Variants in STAT2 observed in about 807,000 individuals in gnomAD.
STAT2 encodes the protein interferon alpha induced transcriptional activator.
A neutral mutation model predicts 122.3 loss-of-function variants in STAT2; 51 were observed. That is an observed-to-expected ratio of 0.42 (90% CI 0.33 to 0.53). STAT2 has a LOEUF of 0.53. STAT2 is among the 20% of genes least tolerant of loss of function. The probability of loss-of-function intolerance (pLI) is 0.10; values close to 1 mark genes in which losing one functional copy is unlikely to be tolerated. For synonymous variants in STAT2, 351 were observed against 394.9 expected, an observed-to-expected ratio of 0.89 and a Z score of 1.32; for missense variants, 736 against 1,010.3, an observed-to-expected ratio of 0.73 and a Z score of 3.68.
At position 56,350,745 on chromosome 12, in the gene STAT2, C is replaced by A. The variant is rs1017401777; in HGVS notation, c.1094+84G>T. ...AGGATTGGAAGGAGGAAGGAGATAG[C>A]CCTAGGGCCCTGTTGTGAAGAGTGA... On this transcript the variant is annotated intron_variant, in intron 11 of 23. Coordinates refer to ENST00000314128, the MANE Select transcript of STAT2 (RefSeq NM_005419.4). 11 of 1,426,432 alleles carry A rather than the reference C, an allele frequency of 7.7e-6. No homozygotes were observed. In the African/African-American group the frequency reaches 1.4e-4, roughly 18 times the overall value. 88.4% of individuals were successfully genotyped at this position (1,426,432 alleles called of 1,614,324 possible).
chr12:56,358,932 C>A (rs1333344004), intron 1 of STAT2, among the ~76,000 whole-genome samples: 1 of 152,158 alleles, frequency 6.6e-6, no homozygotes, highest in African/African-American at 2.4e-5. Context: ...TGTCACCAAG[C>A]AGGCTGTCCC....
chr12:56,359,488 G>T (rs146779253), intron 1 of STAT2, among the ~76,000 whole-genome samples: 2 of 142,936 alleles, frequency 1.4e-5, no homozygotes, highest in African/African-American at 4.9e-5. Context: ...AGTCAGCAAA[G>T]ATTCAAATAT....
Position 56,351,167 on chromosome 12 carries a change from G to A in STAT2, c.965C>T (p.Pro322Leu), listed in dbSNP as rs775863585. The A allele has an allele frequency of 6.2e-7, 1 of 1,614,036 alleles. No individual in the cohort carries two copies. Among genetic ancestry groups the A allele is most frequent in the South Asian group, 1.1e-5 (1 of 91,064 alleles). The change falls in exon 10 of 24, where the codon CCC (proline) becomes CTC (leucine). Residue 322 changes from proline to leucine, a missense_variant. Transcript: ENST00000314128. ...LHRAFVVETQ[P>L]CMPQTPHRPL... is the part of the protein sequence containing the mutation. ...TCGATGGGGAGTTTGGGGCATGCAG[G>A]GCTGGGTTTCTACCACAAAGGCTCT...
rs1245063187 is a variant in STAT2, at chr12:56,355,716, C to G, written c.373G>C (p.Ala125Pro). 7.4e-6 allele frequency: 12 copies of G among 1,613,924 alleles called. No individual in the cohort carries two copies. The highest frequency in any genetic ancestry group is 1.1e-5 in the South Asian group (1 of 91,074). ...CACTGAATTGTCCTCACCAATTGGG[C>G]CCTCTGAGCCTGGATCAAAATTCTT... ...EKRILIQAQR[A>P]QLEQGEPVLE... is the part of the protein sequence containing the mutation. Residue 125 changes from alanine to proline, a missense_variant, in exon 4 of 24, where the codon GCC becomes CCC. By Grantham distance (27) the Ala-to-Pro change is conservative. Transcript: ENST00000314128.
chr12:56,344,388 G>A (rs1017409175), intron 22 of STAT2, among the ~76,000 whole-genome samples: 1 of 152,182 alleles, frequency 6.6e-6, no homozygotes, highest in African/African-American at 2.4e-5. Context: ...CAGTAGGGTG[G>A]TTAAAATCAG....
At position 56,346,865 on chromosome 12, in the gene STAT2, C is replaced by T. The variant is rs369254719; in HGVS notation, c.1815G>A (p.Ser605=). 38 of 1,614,164 alleles carry T rather than the reference C, an allele frequency of 2.4e-5. 1 individual carries two copies. Among genetic ancestry groups the T allele is most frequent in the East Asian group, 1.6e-4 (7 of 44,876 alleles). ...AGGAGCAGGTAATGCCCCCTTCTGA[C>T]GATTCACTGAAGCGCAGTAGAAAGG... ...SGTFLLRFSE[S]SEGGITCSWV... is the part of the protein sequence containing the mutation. The change falls in exon 20 of 24, where the codon TCG becomes TCA. Residue 605 remains serine (S), a synonymous_variant. Coordinates refer to ENST00000314128, the MANE Select transcript of STAT2 (RefSeq NM_005419.4).
In STAT2 at chr12:56,348,414, C is replaced by T. The variant is rs145273196; in HGVS notation, c.1724+115G>A. 4.0e-4 allele frequency: 407 copies of T among 1,023,248 alleles called. 1 individual carries two copies. In the African/African-American group the frequency reaches 5.0e-3, roughly 12 times the overall value. 63.4% of individuals were successfully genotyped at this position (1,023,248 alleles called of 1,614,324 possible). A position where few individuals can be genotyped will look rare whatever the true frequency, so the allele number is the denominator to read the frequency against. On this transcript the variant is annotated intron_variant, in intron 19 of 23. Transcript: ENST00000314128. ...ATTATTGTTAACAAATGTGAGGAGA[C>T]GTGGCCTGCACCTGTCTTTGCTCTC...
chr12:56,347,010 C>T lies in STAT2; in HGVS notation c.1725-55G>A, dbSNP rs909853637. The T allele has an allele frequency of 5.0e-6, 8 of 1,594,232 alleles. No individual in the cohort carries two copies. The African/African-American group carries it at 8.0e-5, about 16-fold the overall frequency. On this transcript the variant is annotated intron_variant, in intron 19 of 23. Transcript: ENST00000314128. ...CGCCCAACACCCTGCCCCACCAGGCCCCTGCCTCCCTGCTCCCCTTGTATG... is the reference window on the plus strand; with the variant it reads ...CGCCCAACACCCTGCCCCACCAGGCTCCTGCCTCCCTGCTCCCCTTGTATG...
rs1343645264 is a variant in STAT2, at chr12:56,342,727, T to C, written c.*662A>G. The C allele has an allele frequency of 6.6e-6, 1 of 152,176 alleles. No homozygotes were observed. The highest frequency in any genetic ancestry group is 1.5e-5 in the Non-Finnish European group (1 of 68,082). 9.4% of individuals were successfully genotyped at this position (152,176 alleles called of 1,614,324 possible). ...CACTCACATTAGATTGGCAGGATCATTTTATGGGGGAGGAACAGGTACAGC... is the reference window on the plus strand; with the variant it reads ...CACTCACATTAGATTGGCAGGATCACTTTATGGGGGAGGAACAGGTACAGC... On this transcript the variant is annotated 3_prime_UTR_variant, in exon 24 of 24. Coordinates refer to ENST00000314128, the MANE Select transcript of STAT2 (RefSeq NM_005419.4).
rs1877478089 is a variant in STAT2 at position 56,346,476 on chromosome 12, C to T, written c.2010G>A (p.Arg670=). The part of the protein sequence containing the change: ...PLRFLYPRIP[R]DEAFGCYYQE... ...GGTAGTAGCACCCAAAAGCTTCATC[C>T]CGGGGGATTCGGGGATAGAGGAAGC... Residue 670 remains arginine, a synonymous_variant, in exon 21 of 24, where the codon CGG becomes CGA. Coordinates refer to ENST00000314128, the MANE Select transcript of STAT2 (RefSeq NM_005419.4). The T allele has an allele frequency of 6.2e-7, 1 of 1,614,148 alleles. No homozygotes were observed. The highest frequency in any genetic ancestry group is 8.5e-7 in the Non-Finnish European group (1 of 1,180,040).
At chr12:56,350,038 G>T in intron 13 of STAT2, 59 bp downstream of exon 13, 1 of 1,475,104 alleles carries the variant, frequency 6.8e-7, no homozygotes. Context: ...GACAGAGTGA[G>T]ACTCCGTCTC....
chr12:56,346,134 T>C lies in STAT2; in HGVS notation c.2102+12A>G. 1 of 1,613,744 alleles carries C rather than the reference T, an allele frequency of 6.2e-7. No individual in the cohort carries two copies. Among genetic ancestry groups the C allele is most frequent in the Non-Finnish European group, 8.5e-7 (1 of 1,179,906 alleles). On this transcript the variant is annotated intron_variant, in intron 22 of 23. Coordinates refer to ENST00000314128, the MANE Select transcript of STAT2 (RefSeq NM_005419.4). The stretch of plus-strand genomic sequence containing the variant: ...AGGATTAGGGAGGATGAATGAAGAG[T>C]TCATATCTCACCTATTAGAGACCAC...
intron 1 of STAT2, among the ~76,000 whole-genome samples, chr12:56,357,882 T>G (rs1339735805): frequency 2.0e-5 from 3 of 151,700 alleles, no homozygotes; most frequent in Non-Finnish European, 4.4e-5. Context: ...GCTAATTTTT[T>G]GTAGAGATGG....
intron 3 of STAT2, 25 bp downstream of exon 3, chr12:56,356,107 C>A: frequency 3.1e-6 from 5 of 1,609,824 alleles, no homozygotes; most frequent in Non-Finnish European, 4.2e-6. Flanking sequence ...AGTGCTACCC[C>A]ATCACTCCCA....
chr12:56,353,108 T>C (rs1269903779), intron 8 of STAT2, among the ~76,000 whole-genome samples: 2 of 151,986 alleles, frequency 1.3e-5, no homozygotes, highest in East Asian at 1.9e-4. Flanking sequence ...CTTAGCCTCC[T>C]GAGTAGCTGG....
Position 56,350,362 on chromosome 12 carries a change from G to T in STAT2, c.1115+50C>A, listed in dbSNP as rs368540838. 5 of 1,559,906 alleles carry T rather than the reference G, an allele frequency of 3.2e-6. No individual in the cohort carries two copies. In the African/African-American group the frequency reaches 6.9e-5, roughly 22 times the overall value. On this transcript the variant is annotated intron_variant, in intron 12 of 23. Coordinates refer to ENST00000314128, the MANE Select transcript of STAT2 (RefSeq NM_005419.4). Reference sequence around the variant, plus strand: ...CACCAGGGCTGCCGAATGTGGTTCTGCAGGTCATACACTGTACAGATGTTT... The same window carrying T: ...CACCAGGGCTGCCGAATGTGGTTCTTCAGGTCATACACTGTACAGATGTTT...
chr12:56,351,764 T>C (rs1180619236), intron 8 of STAT2, among the ~76,000 whole-genome samples: 1 of 152,232 alleles, frequency 6.6e-6, no homozygotes, highest in African/African-American at 2.4e-5. Context: ...AGGCAGGTAC[T>C]ATTATTTTCC....
At chr12:56,354,658 C>A (rs1246086883) in intron 7 of STAT2, 44 bp from the exon 8 acceptor site, 1 of 1,612,934 alleles carries the variant, frequency 6.2e-7, no homozygotes, top group Non-Finnish European at 8.5e-7. Flanking sequence ...CTCCCTTTCA[C>A]CCTCCACCAC....
rs918995149 is a variant in STAT2, at chr12:56,344,069, C to T, written c.2169G>A (p.Leu723=). 6 of 1,604,502 alleles carry T rather than the reference C, an allele frequency of 3.7e-6. No individual in the cohort carries two copies. Among genetic ancestry groups the T allele is most frequent in the Non-Finnish European group, 5.1e-6 (6 of 1,174,776 alleles). The change falls in exon 23 of 24, where the codon CTG becomes CTA. Residue 723 remains leucine, a synonymous_variant. Transcript: ENST00000314128. ...KPEPELESLE[L]ELGLVPEPEL... ...CTGGCTCTGGCACCAGCCCTAGTTC[C>T]AGCTCTAATGACTCCAGCTCTGGCT...
Sources: allele counts gnomAD v4.1 joint callset (sites outside exome capture counted in the v4.1 genomes callset), GRCh38; gene constraint gnomAD v4.1.1; transcripts MANE v1.5; gene names NCBI Gene and HGNC (gene_info 2026-07-23, HGNC 2026-07-21).